Variants in CORIN observed in about 807,000 individuals in gnomAD.
CORIN encodes corin, serine peptidase, also known as atrial natriuretic peptide-converting enzyme.
Under a neutral mutation model 125.3 loss-of-function variants are expected in CORIN, and 117 were observed. That is an observed-to-expected ratio of 0.93 (90% confidence interval 0.80 to 1.09). The LOEUF (loss-of-function observed/expected upper bound fraction) is 1.09, where lower values mean the gene tolerates loss of function less well. Among genes scored for constraint, CORIN ranks in the 50% least tolerant of loss-of-function variants. CORIN has a pLI of 0.00. For synonymous variants in CORIN, 450 were observed against 466.4 expected (o/e 0.96, Z 0.45); for missense variants, 1,253 against 1,306.7 (o/e 0.96, Z 0.63).
chr4:47,670,540 T>C (rs1163133694), intron 10 of CORIN, among the ~76,000 whole-genome samples: 1 of 152,206 alleles, frequency 6.6e-6, no homozygotes, highest in African/African-American at 2.4e-5. Flanking sequence ...TGTTCATTTC[T>C]TCCTTGGTGT....
intron 16 of CORIN, among the ~76,000 whole-genome samples, chr4:47,634,476 A>C (rs1387433825): frequency 6.6e-6 from 1 of 152,086 alleles, no homozygotes; most frequent in Non-Finnish European, 1.5e-5. Flanking sequence ...TCTACTAAAA[A>C]TACAAAAATT....
intron 13 of CORIN, among the ~76,000 whole-genome samples, chr4:47,646,869 A>G (rs1002122787): frequency 1.3e-5 from 2 of 152,240 alleles, no homozygotes; most frequent in African/African-American, 4.8e-5. Flanking sequence ...TAAATTATGT[A>G]GATGATTGAC....
chr4:47,828,467 G>T (rs1309479634), intron 1 of CORIN, among the ~76,000 whole-genome samples: 6 of 152,260 alleles, frequency 3.9e-5, no homozygotes, highest in Admixed American at 3.3e-4. Flanking sequence ...ACCCCTAAGT[G>T]TCAGGGCTTA....
chr4:47,820,193 G>A (rs1255043928), intron 1 of CORIN, among the ~76,000 whole-genome samples: 2 of 152,114 alleles, frequency 1.3e-5, no homozygotes, highest in Non-Finnish European at 2.9e-5. Context: ...CTAGGAGCAA[G>A]AAAAGAAAGG....
intron 16 of CORIN, among the ~76,000 whole-genome samples, chr4:47,635,067 G>T (rs921693908): frequency 6.6e-6 from 1 of 152,190 alleles, no homozygotes; most frequent in Non-Finnish European, 1.5e-5. Context: ...GATTTGACAT[G>T]TTTATTAATG....
In CORIN at chr4:47,603,621, AG is replaced by A; in HGVS notation, c.2587del (p.Leu863Ter). 1 of 1,614,206 alleles carries A rather than the reference AG, an allele frequency of 6.2e-7. No individual in the cohort carries two copies. The highest frequency in any genetic ancestry group is 8.5e-7 in the Non-Finnish European group (1 of 1,180,012). The part of the protein sequence containing the change: ...VWKVVLGINN[L>X]DHPSVFMQTR... ...CTGCATGAACACTGATGGATGGTCT[AG>A]ATTGTTGATGCCAAGCACCACTTTC... is the stretch of plus-strand genomic sequence containing the variant. On this transcript the variant is annotated frameshift_variant, in exon 20 of 22. Transcript: ENST00000273857. LOFTEE classifies it high-confidence loss of function.
At chr4:47,731,868 C>CA (rs34287451) in intron 5 of CORIN, among the ~76,000 whole-genome samples, 1,445 of 133,308 alleles carry the variant, frequency 0.011, 25 homozygotes, top group African/African-American at 0.034. Context: ...GACTCCATCT[C>CA]AAAAAAAAAA....
chr4:47,650,924 A>T (rs1723706518), intron 13 of CORIN, among the ~76,000 whole-genome samples: 1 of 152,224 alleles, frequency 6.6e-6, no homozygotes, highest in African/African-American at 2.4e-5. Context: ...TGACATTTTC[A>T]ACTCTTGTTT....
chr4:47,798,184 G>T lies in CORIN; in HGVS notation c.208+8719C>A, dbSNP rs73137903. Among the ~76,000 whole-genome samples, 1,104 of 152,164 alleles carry T rather than the reference G, an allele frequency of 7.3e-3. 14 individuals carry two copies. Among genetic ancestry groups the T allele is most frequent in the African/African-American group, 0.024 (996 of 41,516 alleles). On this transcript the variant is annotated intron_variant, in intron 2 of 21. Transcript: ENST00000273857. ...CAATTTACTACTGCTTTCTTCTATAGCCTGCTGCTAATACAATTATTTGAC... is the reference window on the plus strand; with the variant it reads ...CAATTTACTACTGCTTTCTTCTATATCCTGCTGCTAATACAATTATTTGAC...
At chr4:47,785,400 C>A (rs894906865) in intron 3 of CORIN, among the ~76,000 whole-genome samples, 1 of 152,200 alleles carries the variant, frequency 6.6e-6, no homozygotes, top group Non-Finnish European at 1.5e-5. Flanking sequence ...ACTCACCACG[C>A]CCCATGTCCA....
intron 15 of CORIN, 130 bp from the exon 16 acceptor site, chr4:47,642,179 T>C: frequency 1.1e-6 from 1 of 903,406 alleles, no homozygotes. Context: ...ATTTGATGTG[T>C]ACCTACCCTG....
At chr4:47,818,082 G>C (rs1222820335) in intron 1 of CORIN, among the ~76,000 whole-genome samples, 1 of 152,190 alleles carries the variant, frequency 6.6e-6, no homozygotes, top group Non-Finnish European at 1.5e-5. Context: ...GCAATTCAAA[G>C]GCCTGTGCAT....
intron 2 of CORIN, among the ~76,000 whole-genome samples, chr4:47,792,614 T>C (rs2109928425): frequency 6.6e-6 from 1 of 152,340 alleles, no homozygotes; most frequent in Admixed American, 6.5e-5. Context: ...ATCGTTAGTG[T>C]TGTTCATCAA....
intron 3 of CORIN, among the ~76,000 whole-genome samples, chr4:47,763,863 CT>C (rs2109871870): frequency 1.3e-5 from 2 of 151,694 alleles, no homozygotes; most frequent in South Asian, 4.2e-4. Flanking sequence ...TGGCAATCAC[CT>C]TTTCTTTTGG....
intron 4 of CORIN, among the ~76,000 whole-genome samples, chr4:47,750,153 G>T (rs190806323): frequency 6.6e-6 from 1 of 152,164 alleles, no homozygotes; most frequent in Admixed American, 6.5e-5. Context: ...AACAGCATTG[G>T]TTTCCTATGT....
At chr4:47,835,402 C>T (rs934887399) in intron 1 of CORIN, among the ~76,000 whole-genome samples, 1 of 152,196 alleles carries the variant, frequency 6.6e-6, no homozygotes, top group Non-Finnish European at 1.5e-5. Context: ...TGTTGCGGCT[C>T]TCCTGCTCCT....
rs1217520706 is a variant in CORIN at position 47,642,989 on chromosome 4, A to C, written c.2068+157T>G. ...GTGGGGAAATTTTCTGTGAGTTGGA[A>C]ATAACACACATAGATCAGCACTATC... is the stretch of plus-strand genomic sequence containing the variant. On this transcript the variant is annotated intron_variant, in intron 15 of 21. Coordinates refer to ENST00000273857, the MANE Select transcript of CORIN (RefSeq NM_006587.4). 5 of 1,537,908 alleles carry C rather than the reference A, an allele frequency of 3.3e-6. No individual in the cohort carries two copies. The Admixed American group carries it at 9.8e-5, about 30-fold the overall frequency.
intron 5 of CORIN, chr4:47,706,307 T>C (rs1446459341): frequency 1.1e-5 from 13 of 1,194,626 alleles, no homozygotes; most frequent in Non-Finnish European, 1.2e-5. Flanking sequence ...CTCTACTCTA[T>C]GGACTTTCAA....
At chr4:47,616,411 A>G (rs1722069029) in intron 19 of CORIN, among the ~76,000 whole-genome samples, 1 of 152,170 alleles carries the variant, frequency 6.6e-6, no homozygotes, top group Non-Finnish European at 1.5e-5. Flanking sequence ...AAAGCCAAGA[A>G]TTTGGTCCCT....
Sources: allele counts gnomAD v4.1 joint callset (sites outside exome capture counted in the v4.1 genomes callset), GRCh38; gene constraint gnomAD v4.1.1; transcripts MANE v1.5; gene names NCBI Gene and HGNC (gene_info 2026-07-23, HGNC 2026-07-21).